The following AMPD1 variants were observed in gnomAD, a reference collection of about 807,000 sequenced individuals.
AMPD1 encodes the protein adenosine monophosphate deaminase 1, also known as AMP deaminase 1.
AMPD1 carries 74 observed loss-of-function variants against 82.9 expected under a neutral mutation model. The ratio of observed to expected loss-of-function variants is 0.89; its 90% CI spans 0.74 to 1.08. The LOEUF (loss-of-function observed/expected upper bound fraction) is 1.08, where lower values mean the gene tolerates loss of function less well. Among genes scored for constraint, AMPD1 ranks in the 50% least tolerant of loss-of-function variants. The pLI, the probability that AMPD1 is intolerant of heterozygous loss-of-function variation, is 0.00. For missense variants in AMPD1, 881 were observed against 924.5 expected (o/e 0.95, Z 0.61); for synonymous variants, 333 against 320.5 (o/e 1.04, Z -0.42).
chr1:114,691,911 C>A (rs1251255611), intron 2 of AMPD1, among the ~76,000 whole-genome samples: 1 of 151,868 alleles, frequency 6.6e-6, no homozygotes, highest in African/African-American at 2.4e-5. Flanking sequence ...GGCGACAGAG[C>A]AAGACTCCGT....
In AMPD1 at chr1:114,695,291, C is replaced by A. The variant is rs1422323036; in HGVS notation, c.22+159G>T. 6.9e-6 allele frequency: 8 copies of A among 1,158,766 alleles called. No homozygotes were observed. The African/African-American group carries it at 1.1e-4, about 16-fold the overall frequency. The allele number at this position is 1,158,766 out of a possible 1,614,324, so 71.8% of individuals were successfully genotyped here. A position where few individuals can be genotyped will look rare whatever the true frequency, so the allele number is the denominator to read the frequency against. ...CCCAAAACTAAAAACAAACAAAAAA[C>A]CCTTGAAAATATTTTGTGTTTTCCT... On this transcript the variant is annotated intron_variant, in intron 1 of 15. Coordinates refer to ENST00000520113, the MANE Select transcript of AMPD1 (RefSeq NM_000036.3).
At chr1:114,694,736 C>T (rs967832386) in intron 1 of AMPD1, among the ~76,000 whole-genome samples, 2 of 151,866 alleles carry the variant, frequency 1.3e-5, no homozygotes, top group Non-Finnish European at 2.9e-5. Flanking sequence ...CCCAGCTACT[C>T]GGGAGGCTGA....
chr1:114,675,824 T>C, intron 11 of AMPD1, 53 bp downstream of exon 11: 1 of 1,613,474 alleles, frequency 6.2e-7, no homozygotes, highest in Non-Finnish European at 8.5e-7. Context: ...CATGACCAGG[T>C]AGGAAGGCTG....
At chr1:114,690,579 G>A (rs1160552137) in intron 2 of AMPD1, among the ~76,000 whole-genome samples, 1 of 152,134 alleles carries the variant, frequency 6.6e-6, no homozygotes, top group Non-Finnish European at 1.5e-5. Context: ...TATTTGCCTT[G>A]TTAAACTCAA....
At chr1:114,682,712 G>A (rs1007105454) in intron 5 of AMPD1, among the ~76,000 whole-genome samples, 3 of 152,078 alleles carry the variant, frequency 2.0e-5, no homozygotes, top group Non-Finnish European at 2.9e-5. Context: ...CGGAGTAGCT[G>A]GGACTACAGG....
At chr1:114,673,363 T>C (rs1230430367) in intron 15 of AMPD1, 91 bp from the exon 16 acceptor site, 1 of 1,412,376 alleles carries the variant, frequency 7.1e-7, no homozygotes, top group South Asian at 1.2e-5. Flanking sequence ...TCCTTCCTTA[T>C]GTTAGCCACT....
intron 5 of AMPD1, among the ~76,000 whole-genome samples, chr1:114,681,273 G>T (rs530551722): frequency 6.6e-6 from 1 of 152,138 alleles, no homozygotes; most frequent in Non-Finnish European, 1.5e-5. Context: ...ATCAGTCTTG[G>T]GTTCCCAGTA....
At chr1:114,692,061 A>G (rs1273818163) in intron 2 of AMPD1, among the ~76,000 whole-genome samples, 1 of 152,246 alleles carries the variant, frequency 6.6e-6, no homozygotes, top group Non-Finnish European at 1.5e-5. Flanking sequence ...TAATAACGTC[A>G]ACTTCAGAGA....
chr1:114,673,406 G>T, intron 15 of AMPD1, 134 bp from the exon 16 acceptor site: 1 of 1,116,612 alleles, frequency 9.0e-7, no homozygotes, highest in Non-Finnish European at 1.3e-6. Context: ...ACCATTAAAA[G>T]CACCCATCTA....
chr1:114,675,061 G>A lies in AMPD1; in HGVS notation c.1680-189C>T, dbSNP rs1286356673. On this transcript the variant is annotated intron_variant, in intron 12 of 15. Coordinates refer to ENST00000520113, the MANE Select transcript of AMPD1 (RefSeq NM_000036.3). ...CCAAAAAGAGGCAGCAGAGGATATG[G>A]GGGTAAGGAAGCAAATAAAGTGTTG... is the stretch of plus-strand genomic sequence containing the variant. The A allele has an allele frequency of 4.2e-6, 3 of 709,432 alleles. No homozygotes were observed. The African/African-American group carries it at 5.4e-5, about 13-fold the overall frequency. 43.9% of individuals were successfully genotyped at this position (709,432 alleles called of 1,614,324 possible). A position where few individuals can be genotyped will look rare whatever the true frequency, so the allele number is the denominator to read the frequency against.
At chr1:114,675,441 CA>C in intron 12 of AMPD1, 88 bp downstream of exon 12, 1 of 1,380,376 alleles carries the variant, frequency 7.2e-7, no homozygotes, top group East Asian at 2.3e-5. Flanking sequence ...CACAGTAATG[CA>C]TGAGGCCCCT....
intron 6 of AMPD1, 103 bp downstream of exon 6, chr1:114,680,156 C>T: frequency 9.7e-7 from 1 of 1,028,894 alleles, no homozygotes; most frequent in Non-Finnish European, 1.5e-6. Flanking sequence ...ACATAGTAAG[C>T]ATTTAGTAAA....
intron 8 of AMPD1, 54 bp downstream of exon 8, chr1:114,678,279 G>C: frequency 6.3e-7 from 1 of 1,588,344 alleles, no homozygotes; most frequent in East Asian, 2.2e-5. Flanking sequence ...GTAGGAGAAA[G>C]ACATGTGGGG....
intron 2 of AMPD1, among the ~76,000 whole-genome samples, chr1:114,690,743 T>C (rs1658488280): frequency 6.6e-6 from 1 of 152,134 alleles, no homozygotes; most frequent in Non-Finnish European, 1.5e-5. Context: ...AGAAATAATG[T>C]CACTACTTCC....
chr1:114,682,821 G>T (rs1040242493), intron 5 of AMPD1, among the ~76,000 whole-genome samples: 1 of 152,064 alleles, frequency 6.6e-6, no homozygotes. Context: ...CTCGTGATCC[G>T]CCCGCCTTGG....
intron 7 of AMPD1, 149 bp downstream of exon 7, chr1:114,679,430 G>T: frequency 8.6e-7 from 1 of 1,168,998 alleles, no homozygotes; most frequent in Non-Finnish European, 1.2e-6. Context: ...CTAACCCATT[G>T]GACATAATCT....
In AMPD1 at chr1:114,674,836, G is replaced by A. The variant is rs753299510; in HGVS notation, c.1716C>T (p.His572=). ...RGMNTFLFRP[H]CGEAGALTHL... is the part of the protein sequence containing the mutation. ...GGGTGAGGGCTCCAGCTTCTCCACA[G>A]TGAGGTCGGAACAGAAACGTATTCA... The change falls in exon 13 of 16, where the codon CAC becomes CAT. Residue 572 remains histidine, a synonymous_variant. Coordinates refer to ENST00000520113, the MANE Select transcript of AMPD1 (RefSeq NM_000036.3). 6.2e-7 allele frequency: 1 copy of A among 1,614,060 alleles called. No individual in the cohort carries two copies. Among genetic ancestry groups the A allele is most frequent in the South Asian group, 1.1e-5 (1 of 91,084 alleles).
intron 7 of AMPD1, among the ~76,000 whole-genome samples, chr1:114,678,886 T>C (rs1459282677): frequency 6.6e-6 from 1 of 152,224 alleles, no homozygotes; most frequent in East Asian, 1.9e-4. Flanking sequence ...GGAGAAAGGA[T>C]TGAAATTATG....
rs1267136604 is a variant in AMPD1, at chr1:114,688,638, GATCTCATCCACATCAA to G, written c.122_137del (p.Phe41SerfsTer43). 6.2e-7 allele frequency: 1 copy of G among 1,614,066 alleles called. No homozygotes were observed. Among genetic ancestry groups the G allele is most frequent in the African/African-American group, 1.3e-5 (1 of 74,916 alleles). On this transcript the variant is annotated frameshift_variant, in exon 3 of 16. Coordinates refer to ENST00000520113, the MANE Select transcript of AMPD1 (RefSeq NM_000036.3). LOFTEE classifies it high-confidence loss of function. ...GCATCTCATGATGAGAAATCGGACA[GATCTCATCCACATCAA>G]AGGGGGAAATCTCCTGACGACCTCC...
Sources: allele counts gnomAD v4.1 joint callset (sites outside exome capture counted in the v4.1 genomes callset), GRCh38; gene constraint gnomAD v4.1.1; transcripts MANE v1.5; gene names NCBI Gene and HGNC (gene_info 2026-07-23, HGNC 2026-07-21).